Variants in KBTBD3 observed in about 807,000 individuals in gnomAD.
KBTBD3 encodes kelch repeat and BTB domain containing 3, also known as kelch repeat and BTB domain-containing protein 3.
KBTBD3 carries 38 observed loss-of-function variants against 49.6 expected under a neutral mutation model. The observed-to-expected ratio is 0.77, with a 90% CI of 0.59 to 1.00. The LOEUF (loss-of-function observed/expected upper bound fraction) is 1.00. Among genes scored for constraint, KBTBD3 ranks in the 50% least tolerant of loss-of-function variants. The pLI is 0.00. For missense variants in KBTBD3, 661 were observed against 712.0 expected (o/e 0.93, Z 0.81); for synonymous variants, 214 against 250.4 (o/e 0.85, Z 1.37).
At chr11:106,064,605 C>T (rs897481479) in intron 2 of KBTBD3, among the ~76,000 whole-genome samples, 5 of 151,668 alleles carry the variant, frequency 3.3e-5, no homozygotes, top group Admixed American at 6.6e-5. Context: ...CAAAAGGGCA[C>T]GCAAAGCAGA....
intron 2 of KBTBD3, among the ~76,000 whole-genome samples, chr11:106,063,775 G>A (rs1591536562): frequency 6.6e-6 from 1 of 151,970 alleles, no homozygotes; most frequent in African/African-American, 2.4e-5. Flanking sequence ...TAATAAAAAT[G>A]CAAAATTTAG....
At chr11:106,074,114 C>CG (rs964761806) in intron 2 of KBTBD3, among the ~76,000 whole-genome samples, 115 of 82,796 alleles carry the variant, frequency 1.4e-3, no homozygotes, top group Middle Eastern at 0.011. Context: ...TGCCGAACAC[C>CG]CCCCCCCACA....
At chr11:106,074,449 C>T (rs191168083) in intron 2 of KBTBD3, among the ~76,000 whole-genome samples, 5 of 152,330 alleles carry the variant, frequency 3.3e-5, no homozygotes, top group African/African-American at 1.2e-4. Flanking sequence ...ACTTCTCTCT[C>T]CTCATCTTAT....
intron 2 of KBTBD3, among the ~76,000 whole-genome samples, chr11:106,070,813 C>T (rs186210056): frequency 9.2e-5 from 14 of 152,152 alleles, no homozygotes; most frequent in Admixed American, 8.5e-4. Context: ...CAAAATGTTG[C>T]ACAATAGGTG....
rs764205289 is a variant in KBTBD3, at chr11:106,053,598, T to C, written c.1091A>G (p.Glu364Gly). ...CCRTVRLHIA[E>G]SYHDATDQTW... ...TTGATCAGTGGCATCATGATATGAC[T>C]CGGCAATATGCAGTCGAACCGTTCG... Residue 364 changes from glutamate to glycine, a missense_variant, in exon 4 of 4, where the codon GAG becomes GGG. Transcript: ENST00000531837. The C allele has an allele frequency of 1.9e-6, 3 of 1,613,902 alleles. No individual in the cohort carries two copies. The Admixed American group carries it at 5.0e-5, about 27-fold the overall frequency.
chr11:106,055,109 A>C (rs1446868969), intron 3 of KBTBD3, among the ~76,000 whole-genome samples: 1 of 152,170 alleles, frequency 6.6e-6, no homozygotes, highest in African/African-American at 2.4e-5. Flanking sequence ...ATAGGCACTG[A>C]GAGATAGAGA....
At chr11:106,062,063 G>A (rs1860710753) in intron 2 of KBTBD3, among the ~76,000 whole-genome samples, 1 of 152,076 alleles carries the variant, frequency 6.6e-6, no homozygotes, top group Non-Finnish European at 1.5e-5. Context: ...GTGGAGGTGT[G>A]TATGTGCCTG....
At chr11:106,076,283 C>T (rs1861027750) in intron 2 of KBTBD3, 1 of 152,166 alleles carries the variant, frequency 6.6e-6, no homozygotes, top group Admixed American at 6.5e-5. Context: ...CTGACACAGG[C>T]TTTTGGTTAG....
chr11:106,063,405 G>A (rs1237475491), intron 2 of KBTBD3, among the ~76,000 whole-genome samples: 1 of 152,208 alleles, frequency 6.6e-6, no homozygotes, highest in African/African-American at 2.4e-5. Context: ...CCTGATTCAT[G>A]AATTGTTCTT....
chr11:106,053,012 A>G lies in KBTBD3; in HGVS notation c.1677T>C (p.Asp559=). The G allele has an allele frequency of 1.9e-6, 3 of 1,613,710 alleles. No individual in the cohort carries two copies. The highest frequency in any genetic ancestry group is 2.5e-6 in the Non-Finnish European group (3 of 1,179,740). Residue 559 remains aspartate (D), a synonymous_variant, in exon 4 of 4, where the codon GAT becomes GAC. Coordinates refer to ENST00000531837, the MANE Select transcript of KBTBD3 (RefSeq NM_198439.3). ...IEDKIYILGG[D]YAPDEITDEV... ...CATCTGTGATTTCATCTGGTGCATA[A>G]TCACCACCTAATATATAAATTTTAT...
In KBTBD3 at chr11:106,054,059, A is replaced by G. The variant is rs570246111; in HGVS notation, c.630T>C (p.Pro210=). Residue 210 remains proline, a synonymous_variant, in exon 4 of 4, where the codon CCT becomes CCC. Coordinates refer to ENST00000531837, the MANE Select transcript of KBTBD3 (RefSeq NM_198439.3). ...KCLESDELNV[P]EEEMVLKVVL... The stretch of plus-strand genomic sequence containing the variant: ...CAACTTTCAGTACCATTTCTTCTTC[A>G]GGAACATTTAATTCATCTGATTCCA... The G allele has an allele frequency of 2.8e-5, 45 of 1,613,608 alleles. No homozygotes were observed. The Middle Eastern group carries it at 6.6e-4, about 24-fold the overall frequency.
chr11:106,059,857 G>A (rs1340116330), intron 2 of KBTBD3, among the ~76,000 whole-genome samples: 3 of 152,228 alleles, frequency 2.0e-5, no homozygotes, highest in South Asian at 2.1e-4. Flanking sequence ...GAAAGGAAAA[G>A]AGGATTGGGA....
At position 106,053,268 on chromosome 11, in the gene KBTBD3, T is replaced by A; in HGVS notation, c.1421A>T (p.Asp474Val). 1 of 1,613,644 alleles carries A rather than the reference T, an allele frequency of 6.2e-7. No homozygotes were observed. ...EITDAFNPSL[D>V]CFFKYNATTD... ...TGTAGCATTGTATTTAAAAAAGCAA[T>A]CAAGTGATGGGTTAAAAGCATCTGT... The change falls in exon 4 of 4, where the codon GAT (aspartate) becomes GTT (valine). Residue 474 changes from aspartate to valine, a missense_variant. By Grantham distance (152) the Asp-to-Val change is radical (BLOSUM62 -3). Coordinates refer to ENST00000531837, the MANE Select transcript of KBTBD3 (RefSeq NM_198439.3).
chr11:106,071,253 G>A (rs888636740), intron 2 of KBTBD3, among the ~76,000 whole-genome samples: 9 of 152,150 alleles, frequency 5.9e-5, no homozygotes, highest in African/African-American at 2.2e-4. Flanking sequence ...GTAAAAAGGT[G>A]ACTAAAGGAG....
At position 106,059,035 on chromosome 11, in the gene KBTBD3, T is replaced by C. The variant is rs142317969; in HGVS notation, c.63A>G (p.Pro21=). The change falls in exon 3 of 4, where the codon CCA becomes CCG. Residue 21 remains proline (P), a synonymous_variant. Transcript: ENST00000531837. Reference sequence around the variant, plus strand: ...CAAGGAAGTTGTTTTTCTTCTCAGATGGAATTCCATTACATGTGCTTCGTT... The same window carrying C: ...CAAGGAAGTTGTTTTTCTTCTCAGACGGAATTCCATTACATGTGCTTCGTT... The part of the protein sequence containing the change: ...FNQRSTCNGI[P]SEKKNNFLVS... 991 of 1,557,540 alleles carry C rather than the reference T, an allele frequency of 6.4e-4. 3 individuals carry two copies. The highest frequency in any genetic ancestry group is 7.9e-4 in the South Asian group (64 of 80,612).
chr11:106,072,374 A>G (rs1024436950), intron 2 of KBTBD3, among the ~76,000 whole-genome samples: 1 of 152,134 alleles, frequency 6.6e-6, no homozygotes, highest in Non-Finnish European at 1.5e-5. Context: ...GATTTTTTTA[A>G]AAGGGGGCTC....
chr11:106,060,961 C>T (rs1860680123), intron 2 of KBTBD3, among the ~76,000 whole-genome samples: 1 of 152,128 alleles, frequency 6.6e-6, no homozygotes, highest in Non-Finnish European at 1.5e-5. Context: ...AAACAAACAA[C>T]CCCATCAAAA....
At position 106,053,714 on chromosome 11, in the gene KBTBD3, C is replaced by T. The variant is rs371520857; in HGVS notation, c.975G>A (p.Pro325=). ...NIKSDSWKIL[P]QSHLIDLPGS... ...CTGGCAAATCAATCAGGTGTGATTGCGGCAGTATTTTCCATGAATCAGATT... is the reference window on the plus strand; with the variant it reads ...CTGGCAAATCAATCAGGTGTGATTGTGGCAGTATTTTCCATGAATCAGATT... Residue 325 remains proline, a synonymous_variant, in exon 4 of 4, where the codon CCG becomes CCA. Coordinates refer to ENST00000531837, the MANE Select transcript of KBTBD3 (RefSeq NM_198439.3). 2.0e-5 allele frequency: 33 copies of T among 1,613,454 alleles called. No individual in the cohort carries two copies. The African/African-American group carries it at 3.6e-4, about 18-fold the overall frequency.
chr11:106,064,173 C>A (rs1220518823), intron 2 of KBTBD3, among the ~76,000 whole-genome samples: 2 of 152,024 alleles, frequency 1.3e-5, no homozygotes, highest in Admixed American at 1.3e-4. Context: ...GTGTCAGAAT[C>A]AAAGGAAATA....
Sources: allele counts gnomAD v4.1 joint callset (sites outside exome capture counted in the v4.1 genomes callset), GRCh38; gene constraint gnomAD v4.1.1; transcripts MANE v1.5; gene names NCBI Gene and HGNC (gene_info 2026-07-23, HGNC 2026-07-21).